Variants in SPTLC3 observed in about 807,000 individuals in gnomAD.
SPTLC3 encodes the protein serine palmitoyltransferase long chain base subunit 3, also known as serine palmitoyltransferase 3.
SPTLC3 carries 36 observed loss-of-function variants against 59.3 expected under a neutral mutation model. That is an observed-to-expected ratio of 0.61 (90% confidence interval 0.47 to 0.80). The LOEUF is 0.80. SPTLC3 is among the 30% of genes least tolerant of loss of function. The pLI, the probability that SPTLC3 is intolerant of heterozygous loss-of-function variation, is 0.00. For missense variants in SPTLC3, 625 were observed against 685.1 expected (o/e 0.91, Z 0.98); for synonymous variants, 257 against 240.8 (o/e 1.07, Z -0.62).
At position 13,074,301 on chromosome 20, in the gene SPTLC3, A is replaced by G. The variant is rs192529333; in HGVS notation, c.459-48A>G. ...CCACCAGGGATTTTTTGAATCGTGC[A>G]TAATCCTGGGGAGGGGATTATGTGC... On this transcript the variant is annotated intron_variant, in intron 3 of 11. Transcript: ENST00000399002. 7.3e-5 allele frequency: 117 copies of G among 1,602,008 alleles called. No homozygotes were observed. The East Asian group carries it at 9.9e-4, about 13-fold the overall frequency.
intron 6 of SPTLC3, among the ~76,000 whole-genome samples, chr20:13,095,485 G>C (rs527329559): frequency 1.2e-3 from 189 of 152,262 alleles, no homozygotes; most frequent in African/African-American, 3.9e-3. Flanking sequence ...CTGTCATATA[G>C]ATAGATAGGT....
chr20:13,022,841 T>C (rs1013618050), intron 1 of SPTLC3, among the ~76,000 whole-genome samples: 1 of 152,188 alleles, frequency 6.6e-6, no homozygotes, highest in Non-Finnish European at 1.5e-5. Context: ...AGAGATGTCA[T>C]TCTTCTGCCC....
intron 1 of SPTLC3, among the ~76,000 whole-genome samples, chr20:13,021,337 A>C (rs1985871129): frequency 6.6e-6 from 1 of 152,068 alleles, no homozygotes; most frequent in Non-Finnish European, 1.5e-5. Context: ...ATCTTGTTTC[A>C]TCATGTTAAA....
chr20:13,122,486 T>C (rs2037889955), intron 8 of SPTLC3, among the ~76,000 whole-genome samples: 1 of 152,174 alleles, frequency 6.6e-6, no homozygotes, highest in African/African-American at 2.4e-5. Flanking sequence ...TCTGGAGAAG[T>C]CGAGTGTGGC....
intron 2 of SPTLC3, among the ~76,000 whole-genome samples, chr20:13,065,265 GT>G (rs34809007): frequency 0.4 from 55,883 of 138,050 alleles, 11,049 homozygotes; most frequent in Middle Eastern, 0.57. Context: ...ATTTGTTAGA[GT>G]TTTTTTTTTT....
At chr20:13,082,085 C>A (rs1285944869) in intron 4 of SPTLC3, among the ~76,000 whole-genome samples, 2 of 152,140 alleles carry the variant, frequency 1.3e-5, no homozygotes, top group East Asian at 1.9e-4. Context: ...CAAAGCCAAG[C>A]ACAATTCAAC....
chr20:13,030,438 A>G (rs1389545139), intron 1 of SPTLC3, among the ~76,000 whole-genome samples: 3 of 152,170 alleles, frequency 2.0e-5, no homozygotes, highest in Non-Finnish European at 4.4e-5. Flanking sequence ...TTACCACATC[A>G]TCTTCCAATG....
chr20:13,063,905 C>T (rs1422929123), intron 2 of SPTLC3, among the ~76,000 whole-genome samples: 3 of 152,144 alleles, frequency 2.0e-5, no homozygotes, highest in East Asian at 3.9e-4. Context: ...ATACGCCCGC[C>T]TCGGCCTCCC....
intron 9 of SPTLC3, among the ~76,000 whole-genome samples, chr20:13,133,442 C>A (rs1481107221): frequency 6.6e-6 from 1 of 152,060 alleles, no homozygotes; most frequent in Non-Finnish European, 1.5e-5. Context: ...ACCATTAAAT[C>A]TCCATAACAG....
chr20:13,103,890 C>T (rs2122663581), intron 6 of SPTLC3, among the ~76,000 whole-genome samples: 1 of 152,318 alleles, frequency 6.6e-6, no homozygotes, highest in East Asian at 1.9e-4. Flanking sequence ...CCGGAAGACA[C>T]ACTATGAACT....
At chr20:13,049,327 C>T (rs1568577946) in intron 2 of SPTLC3, 197 bp downstream of exon 2, 4 of 588,224 alleles carry the variant, frequency 6.8e-6, no homozygotes, top group Non-Finnish European at 6.1e-6. Context: ...ATCTCATGGG[C>T]AACTACTATT....
intron 1 of SPTLC3, among the ~76,000 whole-genome samples, chr20:13,019,625 T>G (rs1020178563): frequency 2.6e-5 from 4 of 152,174 alleles, no homozygotes; most frequent in Non-Finnish European, 5.9e-5. Context: ...ATCTAAAATA[T>G]TAAGTCCCAA....
chr20:13,110,001 T>C (rs1175778190), intron 6 of SPTLC3, 111 bp from the exon 7 acceptor site: 1 of 813,150 alleles, frequency 1.2e-6, no homozygotes, highest in Admixed American at 3.0e-5. Context: ...CTGAATTTGT[T>C]CTCTGAAAGT....
At chr20:13,126,498 T>G in intron 8 of SPTLC3, 93 bp from the exon 9 acceptor site, 1 of 1,426,668 alleles carries the variant, frequency 7.0e-7, no homozygotes, top group Non-Finnish European at 9.4e-7. Flanking sequence ...AAATGTCTTT[T>G]GCTATGAGGA....
intron 1 of SPTLC3, among the ~76,000 whole-genome samples, chr20:13,025,950 T>G (rs1986120210): frequency 6.6e-6 from 1 of 152,162 alleles, no homozygotes; most frequent in South Asian, 2.1e-4. Flanking sequence ...TTCTAGGCAT[T>G]TAGCTCCCAC....
intron 1 of SPTLC3, among the ~76,000 whole-genome samples, chr20:13,024,160 G>C (rs952574276): frequency 6.6e-6 from 1 of 152,132 alleles, no homozygotes; most frequent in African/African-American, 2.4e-5. Flanking sequence ...TTTTTTAGAT[G>C]ACTAAACTTA....
chr20:13,075,005 T>C (rs537852307), intron 4 of SPTLC3, among the ~76,000 whole-genome samples: 104 of 152,104 alleles, frequency 6.8e-4, no homozygotes, highest in Non-Finnish European at 1.3e-3. Context: ...TTACTCAAAG[T>C]AGTAACATCT....
At chr20:13,101,717 C>T (rs910877704) in intron 6 of SPTLC3, among the ~76,000 whole-genome samples, 6 of 152,064 alleles carry the variant, frequency 3.9e-5, no homozygotes, top group African/African-American at 1.4e-4. Flanking sequence ...ATTTCTCAGG[C>T]TTTCATATGC....
intron 1 of SPTLC3, among the ~76,000 whole-genome samples, chr20:13,037,691 G>T (rs1222322712): frequency 6.6e-6 from 1 of 152,182 alleles, no homozygotes; most frequent in Non-Finnish European, 1.5e-5. Flanking sequence ...AATAAAATGA[G>T]TCTTAGAGAT....
Sources: allele counts gnomAD v4.1 joint callset (sites outside exome capture counted in the v4.1 genomes callset), GRCh38; gene constraint gnomAD v4.1.1; transcripts MANE v1.5; gene names NCBI Gene and HGNC (gene_info 2026-07-23, HGNC 2026-07-21).